CEP57L1: variants seen among roughly 807,000 people sequenced by gnomAD.
CEP57L1 encodes the protein centrosomal protein CEP57L1.
CEP57L1 carries 37 observed loss-of-function variants against 61.0 expected under a neutral mutation model. The ratio of observed to expected loss-of-function variants is 0.61; its 90% CI spans 0.47 to 0.80. The LOEUF is 0.80. Ranked by LOEUF, CEP57L1 falls within the 30% of genes least tolerant of loss-of-function variation. The pLI, the probability that CEP57L1 is intolerant of heterozygous loss-of-function variation, is 0.00. For missense variants in CEP57L1, 422 were observed against 524.7 expected (o/e 0.80, Z 1.91); for synonymous variants, 137 against 162.3 (o/e 0.84, Z 1.19).
In CEP57L1 at chr6:109,152,630, TGCGTGC is replaced by T. The variant is rs1317244248; in HGVS notation, c.463-1201_463-1196del. Among the ~76,000 whole-genome samples the T allele has an allele frequency of 5.5e-5, 6 of 109,248 alleles. No individual in the cohort carries two copies. The South Asian group carries it at 1.4e-3, about 26-fold the overall frequency. 71.7% of individuals were successfully genotyped at this position (109,248 alleles called of 152,430 possible). A position where few individuals can be genotyped will look rare whatever the true frequency, so the allele number is the denominator to read the frequency against. ...GCCACTACAAAATAGCATATAGATG[TGCGTGC>T]GTGTGTGTGTGTGTGTGTGTGTGTG... On this transcript the variant is annotated intron_variant, in intron 4 of 10. Transcript: ENST00000517392.
At chr6:109,108,467 C>T (rs1771196967) in intron 1 of CEP57L1, among the ~76,000 whole-genome samples, 1 of 152,056 alleles carries the variant, frequency 6.6e-6, no homozygotes, top group Non-Finnish European at 1.5e-5. Flanking sequence ...CTGTCTCAGC[C>T]TCCCAAAGTA....
intron 1 of CEP57L1, among the ~76,000 whole-genome samples, chr6:109,135,007 C>T (rs1350013218): frequency 6.6e-6 from 1 of 152,154 alleles, no homozygotes; most frequent in Non-Finnish European, 1.5e-5. Context: ...TTTATAGATT[C>T]AATGCCATCC....
chr6:109,155,457 T>G, intron 6 of CEP57L1, 150 bp downstream of exon 6: 1 of 498,958 alleles, frequency 2.0e-6, no homozygotes, highest in East Asian at 3.4e-5. Context: ...AGTCAGCCAG[T>G]ATGATACATG....
intron 1 of CEP57L1, among the ~76,000 whole-genome samples, chr6:109,116,084 C>CATTTTATTTT (rs557303655): frequency 2.4e-4 from 35 of 144,908 alleles, no homozygotes; most frequent in African/African-American, 5.0e-4. Flanking sequence ...CCCTATTAAG[C>CATTTTATTTT]ATTTTATTTT....
At chr6:109,124,719 T>A (rs1773351514) in intron 1 of CEP57L1, among the ~76,000 whole-genome samples, 1 of 152,180 alleles carries the variant, frequency 6.6e-6, no homozygotes, top group African/African-American at 2.4e-5. Flanking sequence ...TTCTTTTGCT[T>A]GTGAAATGCC....
At chr6:109,113,622 A>G (rs1036396321) in intron 1 of CEP57L1, among the ~76,000 whole-genome samples, 4 of 152,196 alleles carry the variant, frequency 2.6e-5, no homozygotes, top group African/African-American at 9.6e-5. Flanking sequence ...GCATTATTTT[A>G]TGTATCACAA....
chr6:109,148,355 G>C (rs556581623), intron 3 of CEP57L1, among the ~76,000 whole-genome samples: 2 of 151,818 alleles, frequency 1.3e-5, no homozygotes, highest in African/African-American at 2.4e-5. Context: ...ACCTATGAGT[G>C]AGAACATGCG....
intron 1 of CEP57L1, among the ~76,000 whole-genome samples, chr6:109,099,026 T>C (rs1187325693): frequency 2.0e-5 from 3 of 152,184 alleles, no homozygotes; most frequent in African/African-American, 4.8e-5. Context: ...TTTACTATTA[T>C]GGGAAAATCT....
At chr6:109,116,641 T>G (rs1473006050) in intron 1 of CEP57L1, among the ~76,000 whole-genome samples, 1 of 152,182 alleles carries the variant, frequency 6.6e-6, no homozygotes, top group Non-Finnish European at 1.5e-5. Flanking sequence ...AGTATAGTAT[T>G]ATTGACTGGA....
chr6:109,143,991 GAAC>G (rs1419974437), intron 1 of CEP57L1, among the ~76,000 whole-genome samples: 12 of 152,070 alleles, frequency 7.9e-5, no homozygotes, highest in Admixed American at 5.9e-4. Flanking sequence ...TTTTTTGAGG[GAAC>G]AACAACTTAG....
chr6:109,147,593 A>G (rs928908841), intron 3 of CEP57L1, among the ~76,000 whole-genome samples: 6 of 152,302 alleles, frequency 3.9e-5, no homozygotes, highest in Admixed American at 3.9e-4. Context: ...AAATGGGGAG[A>G]AAAATATTTC....
At chr6:109,112,881 G>C (rs1771828184) in intron 1 of CEP57L1, among the ~76,000 whole-genome samples, 1 of 152,178 alleles carries the variant, frequency 6.6e-6, no homozygotes, top group African/African-American at 2.4e-5. Context: ...GAGACTGTTT[G>C]TTATGATTTG....
intron 1 of CEP57L1, among the ~76,000 whole-genome samples, chr6:109,104,307 T>C (rs544624117): frequency 6.7e-6 from 1 of 149,410 alleles, no homozygotes; most frequent in South Asian, 2.2e-4. Flanking sequence ...TTAATGTATA[T>C]TTATTTAAAA....
At chr6:109,128,981 C>T (rs557042702) in intron 1 of CEP57L1, among the ~76,000 whole-genome samples, 81 of 152,092 alleles carry the variant, frequency 5.3e-4, no homozygotes, top group Non-Finnish European at 1.1e-3. Context: ...GGTGGATCAC[C>T]TGAGGTCAGG....
intron 1 of CEP57L1, among the ~76,000 whole-genome samples, chr6:109,114,082 A>C (rs1297098225): frequency 1.3e-5 from 2 of 151,590 alleles, no homozygotes; most frequent in African/African-American, 4.8e-5. Context: ...CAGCAGTGGG[A>C]TTGCTGGATT....
intron 1 of CEP57L1, among the ~76,000 whole-genome samples, chr6:109,111,113 G>C (rs148151902): frequency 6.6e-5 from 10 of 152,020 alleles, no homozygotes; most frequent in African/African-American, 2.4e-4. Flanking sequence ...AAATTACTTC[G>C]GGCAGTATGG....
chr6:109,123,938 G>T (rs1773258181), intron 1 of CEP57L1, among the ~76,000 whole-genome samples: 1 of 152,114 alleles, frequency 6.6e-6, no homozygotes, highest in South Asian at 2.1e-4. Context: ...AGGCATGGTG[G>T]CGTGCACCTG....
intron 1 of CEP57L1, among the ~76,000 whole-genome samples, chr6:109,129,812 A>T (rs1031678602): frequency 8.1e-5 from 12 of 148,918 alleles, no homozygotes; most frequent in East Asian, 1.9e-4. Context: ...TTTCTTTAAA[A>T]TTTTTTTTTT....
intron 6 of CEP57L1, among the ~76,000 whole-genome samples, chr6:109,155,585 A>G (rs1230483357): frequency 1.3e-5 from 2 of 151,938 alleles, no homozygotes; most frequent in Non-Finnish European, 2.9e-5. Flanking sequence ...CATATATTAA[A>G]TAATTTATTC....
Sources: allele counts gnomAD v4.1 joint callset (sites outside exome capture counted in the v4.1 genomes callset), GRCh38; gene constraint gnomAD v4.1.1; transcripts MANE v1.5; gene names NCBI Gene and HGNC (gene_info 2026-07-23, HGNC 2026-07-21).